Variants in SIRPA observed in about 807,000 individuals in gnomAD.
SIRPA encodes signal regulatory protein alpha, also known as tyrosine-protein phosphatase non-receptor type substrate 1.
SIRPA carries 9 observed loss-of-function variants against 50.3 expected under a neutral mutation model. The observed-to-expected ratio is 0.18, with a 90% CI of 0.11 to 0.31. The LOEUF (loss-of-function observed/expected upper bound fraction) is 0.31, where lower values mean the gene tolerates loss of function less well. Ranked by LOEUF, SIRPA falls within the 10% of genes least tolerant of loss-of-function variation. SIRPA has a pLI of 1.00. For synonymous variants in SIRPA, 265 were observed against 284.1 expected (o/e 0.93, Z 0.68); for missense variants, 474 against 661.6 (o/e 0.72, Z 3.11).
In SIRPA at chr20:1,932,831, C is replaced by A. The variant is rs931915663; in HGVS notation, c.1227-1884C>A. 2.6e-5 allele frequency among the ~76,000 whole-genome samples: 4 copies of A among 152,102 alleles called. No homozygotes were observed. The highest frequency in any genetic ancestry group is 9.7e-5 in the African/African-American group (4 of 41,398). ...GCTGTAAAGGAAGAGAGAGAAGAAT[C>A]AGGACTGACTCCCACTTCTCCAGCC... On this transcript the variant is annotated intron_variant, in intron 6 of 7. Transcript: ENST00000358771. This position sits in a 1 kb window ranked among gnomAD's most constrained non-coding sequence, Gnocchi z 6.0.
In SIRPA at chr20:1,936,635, T is replaced by C. The variant is rs1440257926; in HGVS notation, c.1267-685T>C. Among the ~76,000 whole-genome samples the C allele has an allele frequency of 6.6e-6, 1 of 152,248 alleles. No homozygotes were observed. The highest frequency in any genetic ancestry group is 6.5e-5 in the Admixed American group (1 of 15,284). ...CTGAGTGAAGGTGAAATTATTGCCA[T>C]CCACTCATATATTCATTCAATATGG... On this transcript the variant is annotated intron_variant, in intron 7 of 7. Transcript: ENST00000358771. The surrounding 1 kb of genome is among the most constrained non-coding windows in gnomAD (Gnocchi z 4.2).
Position 1,928,715 on chromosome 20 carries a change from T to C in SIRPA, c.1226+816T>C, listed in dbSNP as rs1480327802. Among the ~76,000 whole-genome samples, 2 of 152,104 alleles carry C rather than the reference T, an allele frequency of 1.3e-5. No individual in the cohort carries two copies. The highest frequency in any genetic ancestry group is 2.4e-5 in the African/African-American group (1 of 41,418). Reference sequence around the variant, plus strand: ...GGGTGCCTGAAACTAGTGAGCTATGTTGGACAGGAGCATGCTGGGCCAGAG... The same window carrying C: ...GGGTGCCTGAAACTAGTGAGCTATGCTGGACAGGAGCATGCTGGGCCAGAG... On this transcript the variant is annotated intron_variant, in intron 6 of 7. Coordinates refer to ENST00000358771, the MANE Select transcript of SIRPA (RefSeq NM_001040023.2). The surrounding 1 kb of genome is among the most constrained non-coding windows in gnomAD (Gnocchi z 4.9).
intron 1 of SIRPA, among the ~76,000 whole-genome samples, chr20:1,902,755 T>C (rs1241789300): frequency 6.6e-6 from 1 of 152,104 alleles, no homozygotes; most frequent in Non-Finnish European, 1.5e-5. Context: ...CTCACGCCTA[T>C]AATCCCAGCA....
At chr20:1,902,750 G>A (rs1292145557) in intron 1 of SIRPA, among the ~76,000 whole-genome samples, 1 of 152,160 alleles carries the variant, frequency 6.6e-6, no homozygotes, top group African/African-American at 2.4e-5. Context: ...GGTGGCTCAC[G>A]CCTATAATCC....
At position 1,932,309 on chromosome 20, in the gene SIRPA, G is replaced by T. The variant is rs908063063; in HGVS notation, c.1227-2406G>T. Among the ~76,000 whole-genome samples the T allele has an allele frequency of 4.6e-5, 7 of 152,276 alleles. No homozygotes were observed. The highest frequency in any genetic ancestry group is 1.4e-4 in the African/African-American group (6 of 41,566). On this transcript the variant is annotated intron_variant, in intron 6 of 7. Transcript: ENST00000358771. This position sits in a 1 kb window ranked among gnomAD's most constrained non-coding sequence, Gnocchi z 6.0. ...AGAGCAGATCAAGGAGGTGGGGTCT[G>T]GGGCGAGCAGGGAGGGCTTGTCTGC...
chr20:1,916,225 G>A (rs1366680226), intron 2 of SIRPA, among the ~76,000 whole-genome samples: 3 of 152,186 alleles, frequency 2.0e-5, no homozygotes, highest in African/African-American at 7.2e-5. Flanking sequence ...TGCTCATTTT[G>A]TATTTACTGC....
chr20:1,903,678 C>A (rs925207557), intron 1 of SIRPA, among the ~76,000 whole-genome samples: 1 of 152,168 alleles, frequency 6.6e-6, no homozygotes, highest in African/African-American at 2.4e-5. Flanking sequence ...TCTTTCCCAC[C>A]CGAGGGCCTT....
intron 1 of SIRPA, among the ~76,000 whole-genome samples, chr20:1,896,775 C>T (rs1282708911): frequency 6.8e-6 from 1 of 148,120 alleles, no homozygotes; most frequent in African/African-American, 2.5e-5. Context: ...CATCCCCCCA[C>T]CCCACCCCAC....
intron 1 of SIRPA, among the ~76,000 whole-genome samples, chr20:1,896,560 T>C (rs1842404026): frequency 6.6e-6 from 1 of 152,062 alleles, no homozygotes; most frequent in African/African-American, 2.4e-5. Context: ...GTGGGGTCTC[T>C]CTGTACCTCC....
chr20:1,914,414 T>G (rs911521557), intron 1 of SIRPA, among the ~76,000 whole-genome samples: 11 of 152,148 alleles, frequency 7.2e-5, no homozygotes, highest in African/African-American at 1.9e-4. Context: ...GGGGTCATAG[T>G]AACTATTTTA....
Position 1,928,021 on chromosome 20 carries a change from T to C in SIRPA, c.1226+122T>C. 1 of 856,438 alleles carries C rather than the reference T, an allele frequency of 1.2e-6. No homozygotes were observed. Among genetic ancestry groups the C allele is most frequent in the South Asian group, 1.4e-5 (1 of 73,960 alleles). The allele number at this position is 856,438 out of a possible 1,614,324, so 53.1% of individuals were successfully genotyped here. Reference sequence around the variant, plus strand: ...CCAATGTGTTGGTCAACATGTCTCTTTCTCTCCTTTGTAACCTCCTCACAC... The same window carrying C: ...CCAATGTGTTGGTCAACATGTCTCTCTCTCTCCTTTGTAACCTCCTCACAC... On this transcript the variant is annotated intron_variant, in intron 6 of 7. Coordinates refer to ENST00000358771, the MANE Select transcript of SIRPA (RefSeq NM_001040023.2). The surrounding 1 kb of genome is among the most constrained non-coding windows in gnomAD (Gnocchi z 4.9).
chr20:1,904,937 C>T (rs1984457823), intron 1 of SIRPA, among the ~76,000 whole-genome samples: 1 of 152,134 alleles, frequency 6.6e-6, no homozygotes, highest in African/African-American at 2.4e-5. Context: ...CAGCATGTGC[C>T]GCTTACTGGC....
Position 1,937,290 on chromosome 20 carries a change from TG to T in SIRPA, c.1267-29del. 1 of 1,601,544 alleles carries T rather than the reference TG, an allele frequency of 6.2e-7. No individual in the cohort carries two copies. Among genetic ancestry groups the T allele is most frequent in the Non-Finnish European group, 8.5e-7 (1 of 1,171,300 alleles). On this transcript the variant is annotated intron_variant, in intron 7 of 7. Transcript: ENST00000358771. This position sits in a 1 kb window ranked among gnomAD's most constrained non-coding sequence, Gnocchi z 8.3. ...CAGGGGCTATAGAATGACCTTCTCATGACTTTCTCTTTGGGTATCTTAAATC... is the reference window on the plus strand; with the variant it reads ...CAGGGGCTATAGAATGACCTTCTCATACTTTCTCTTTGGGTATCTTAAATC...
chr20:1,930,587 A>G (rs1387011221), intron 6 of SIRPA, among the ~76,000 whole-genome samples: 1 of 151,704 alleles, frequency 6.6e-6, no homozygotes, highest in African/African-American at 2.4e-5. Flanking sequence ...TTTTGTTGTT[A>G]TTTTTTTATT....
chr20:1,895,604 T>C lies in SIRPA; in HGVS notation c.79+78T>C, dbSNP rs1165597388. On this transcript the variant is annotated intron_variant, in intron 1 of 7. Coordinates refer to ENST00000358771, the MANE Select transcript of SIRPA (RefSeq NM_001040023.2). ...CCTCTCAGACTGGCACTGGGACCCCTTCGGCTAATGCCGAGCAGTAATAGG... is the reference window on the plus strand; with the variant it reads ...CCTCTCAGACTGGCACTGGGACCCCCTCGGCTAATGCCGAGCAGTAATAGG... The C allele has an allele frequency of 1.1e-5, 13 of 1,130,598 alleles. No individual in the cohort carries two copies. In the East Asian group the frequency reaches 1.3e-4, roughly 11 times the overall value. 70.0% of individuals were successfully genotyped at this position (1,130,598 alleles called of 1,614,324 possible).
intron 1 of SIRPA, among the ~76,000 whole-genome samples, chr20:1,910,604 A>G (rs1326276333): frequency 6.6e-6 from 1 of 152,224 alleles, no homozygotes; most frequent in African/African-American, 2.4e-5. Context: ...GAAACAGTGA[A>G]CAAAACAGAC....
chr20:1,931,215 A>G (rs560555156), intron 6 of SIRPA, among the ~76,000 whole-genome samples: 1 of 152,188 alleles, frequency 6.6e-6, no homozygotes, highest in Non-Finnish European at 1.5e-5. Flanking sequence ...CTCTATTTCC[A>G]CAAGTTCTCA....
In SIRPA at chr20:1,921,513, C is replaced by T; in HGVS notation, c.555C>T (p.Phe185=). ...FSPRDITLKW[F]KNGNELSDFQ... is the part of the protein sequence containing the mutation. Reference sequence around the variant, plus strand: ...CCAGAGACATCACCCTGAAATGGTTCAAAAATGGGAATGAGCTCTCAGACT... The same window carrying T: ...CCAGAGACATCACCCTGAAATGGTTTAAAAATGGGAATGAGCTCTCAGACT... The change falls in exon 3 of 8, where the codon TTC becomes TTT. Residue 185 remains phenylalanine, a synonymous_variant. Coordinates refer to ENST00000358771, the MANE Select transcript of SIRPA (RefSeq NM_001040023.2). 1 of 1,614,080 alleles carries T rather than the reference C, an allele frequency of 6.2e-7. No homozygotes were observed. Among genetic ancestry groups the T allele is most frequent in the South Asian group, 1.1e-5 (1 of 91,074 alleles).
intron 7 of SIRPA, among the ~76,000 whole-genome samples, chr20:1,935,521 C>A (rs1986526745): frequency 6.6e-6 from 1 of 152,264 alleles, no homozygotes; most frequent in Non-Finnish European, 1.5e-5. Flanking sequence ...GACCAAAATG[C>A]CTTGGCCCTG....
Sources: allele counts gnomAD v4.1 joint callset (sites outside exome capture counted in the v4.1 genomes callset), GRCh38; gene constraint gnomAD v4.1.1; non-coding constraint Gnocchi (gnomAD v3.1); transcripts MANE v1.5; gene names NCBI Gene and HGNC (gene_info 2026-07-23, HGNC 2026-07-21).